LONP2: variants seen among roughly 807,000 people sequenced by gnomAD.
The protein encoded by LONP2 is lon protease homolog 2, peroxisomal.
Under a neutral mutation model 85.6 loss-of-function variants are expected in LONP2, and 60 were observed. The ratio of observed to expected loss-of-function variants is 0.70; its 90% CI spans 0.57 to 0.87. The LOEUF (loss-of-function observed/expected upper bound fraction) is 0.87, where lower values mean the gene tolerates loss of function less well. Among genes scored for constraint, LONP2 ranks in the 40% least tolerant of loss-of-function variants. LONP2 has a pLI of 0.00. For synonymous variants in LONP2, 395 were observed against 389.7 expected (o/e 1.01, Z -0.16); for missense variants, 860 against 1,063.5 (o/e 0.81, Z 2.66).
At chr16:48,259,136 T>C (rs933536633) in intron 4 of LONP2, among the ~76,000 whole-genome samples, 5 of 152,204 alleles carry the variant, frequency 3.3e-5, no homozygotes, top group African/African-American at 7.2e-5. Flanking sequence ...TTTCAACTTA[T>C]AATAAGTTTC....
chr16:48,293,155 A>G (rs1019790895), intron 8 of LONP2, among the ~76,000 whole-genome samples: 1 of 152,200 alleles, frequency 6.6e-6, no homozygotes, highest in Admixed American at 6.5e-5. Flanking sequence ...CCGGCCAGGC[A>G]TGGTGGCTCA....
chr16:48,328,803 C>A (rs1959338697), intron 11 of LONP2, among the ~76,000 whole-genome samples: 1 of 149,704 alleles, frequency 6.7e-6, no homozygotes, highest in Middle Eastern at 3.4e-3. Context: ...TGAGATCACA[C>A]CACTACGCTC....
chr16:48,277,731 T>C (rs979600644), intron 8 of LONP2, among the ~76,000 whole-genome samples: 6 of 152,078 alleles, frequency 3.9e-5, no homozygotes, highest in Admixed American at 3.9e-4. Flanking sequence ...TGCACACTTA[T>C]TATCTAGAGG....
In LONP2 at chr16:48,266,932, AAAAAT is replaced by A. The variant is rs1486255851; in HGVS notation, c.983-3076_983-3072del. ...ACAGGAAGACCCCAACTCTATTTAA[AAAAAT>A]AAAATAATAAATGAAATAAAAATAT... On this transcript the variant is annotated intron_variant, in intron 6 of 14. Transcript: ENST00000285737. Among the ~76,000 whole-genome samples, 8 of 152,178 alleles carry A rather than the reference AAAAAT, an allele frequency of 5.3e-5. No individual in the cohort carries two copies. The East Asian group carries it at 1.5e-3, about 29-fold the overall frequency.
At chr16:48,249,146 G>A (rs1971555484) in intron 1 of LONP2, among the ~76,000 whole-genome samples, 1 of 152,134 alleles carries the variant, frequency 6.6e-6, no homozygotes, top group South Asian at 2.1e-4. Context: ...TTCGAGTTAG[G>A]ATTTGGATTA....
intron 8 of LONP2, among the ~76,000 whole-genome samples, chr16:48,293,899 A>G (rs1450827654): frequency 6.6e-6 from 1 of 152,220 alleles, no homozygotes; most frequent in Non-Finnish European, 1.5e-5. Flanking sequence ...ACTATTTTCC[A>G]TACATAAACA....
At chr16:48,348,018 T>G (rs1449673043) in intron 13 of LONP2, 82 bp from the exon 14 acceptor site, 2 of 1,310,022 alleles carry the variant, frequency 1.5e-6, no homozygotes, top group Non-Finnish European at 2.1e-6. Context: ...AAACATTCAT[T>G]TTTGTTTGTG....
chr16:48,274,986 T>G (rs1972177178), intron 7 of LONP2, among the ~76,000 whole-genome samples: 2 of 152,204 alleles, frequency 1.3e-5, no homozygotes, highest in African/African-American at 4.8e-5. Context: ...TTCTCTCTTG[T>G]CTGCTATAAA....
Position 48,334,371 on chromosome 16 carries a change from TTTTA to T in LONP2, c.1938+17_1938+20del. Reference sequence around the variant, plus strand: ...GTATGAAATGGAGGTGATTCATTCTTTTTATTTCTTTTTGCTCCAGTCAATGAAA... The same window carrying T: ...GTATGAAATGGAGGTGATTCATTCTTTTTCTTTTTGCTCCAGTCAATGAAA... On this transcript the variant is annotated intron_variant, in intron 12 of 14. Transcript: ENST00000285737. 1 of 1,614,158 alleles carries T rather than the reference TTTTA, an allele frequency of 6.2e-7. No individual in the cohort carries two copies. The highest frequency in any genetic ancestry group is 8.5e-7 in the Non-Finnish European group (1 of 1,179,998).
At chr16:48,250,263 A>T (rs1971603259) in intron 1 of LONP2, among the ~76,000 whole-genome samples, 1 of 151,386 alleles carries the variant, frequency 6.6e-6, no homozygotes, top group African/African-American at 2.4e-5. Flanking sequence ...TGGGCGAATC[A>T]TGAGGTCAAG....
chr16:48,263,928 C>T (rs1039748079), intron 6 of LONP2, among the ~76,000 whole-genome samples: 26 of 152,230 alleles, frequency 1.7e-4, no homozygotes, highest in African/African-American at 6.3e-4. Flanking sequence ...GGGGAGACAT[C>T]ACACGTTGGT....
At chr16:48,323,216 G>C (rs1280253858) in intron 11 of LONP2, among the ~76,000 whole-genome samples, 2 of 152,104 alleles carry the variant, frequency 1.3e-5, no homozygotes, top group African/African-American at 2.4e-5. Flanking sequence ...AGATATGGTA[G>C]CTTATAAAAA....
chr16:48,284,306 T>G (rs116033835), intron 8 of LONP2, among the ~76,000 whole-genome samples: 171 of 152,310 alleles, frequency 1.1e-3, no homozygotes, highest in African/African-American at 4.0e-3. Flanking sequence ...AGCAACAGGG[T>G]TTGAAAGGAT....
At chr16:48,306,295 A>T (rs1044772785) in intron 11 of LONP2, among the ~76,000 whole-genome samples, 3 of 152,268 alleles carry the variant, frequency 2.0e-5, no homozygotes, top group African/African-American at 7.2e-5. Flanking sequence ...ATAGTTATAC[A>T]TTGCTTAATG....
intron 8 of LONP2, among the ~76,000 whole-genome samples, chr16:48,291,603 A>G (rs1972558194): frequency 6.6e-6 from 1 of 152,240 alleles, no homozygotes; most frequent in African/African-American, 2.4e-5. Flanking sequence ...GGATTGATAC[A>G]GAAAATCTTT....
At chr16:48,330,066 T>C (rs1203568786) in intron 11 of LONP2, among the ~76,000 whole-genome samples, 1 of 152,284 alleles carries the variant, frequency 6.6e-6, no homozygotes, top group African/African-American at 2.4e-5. Flanking sequence ...CAGTTTATAC[T>C]TCTGTAAGCA....
intron 8 of LONP2, among the ~76,000 whole-genome samples, chr16:48,293,397 T>C (rs1251741848): frequency 2.0e-5 from 3 of 151,844 alleles, no homozygotes; most frequent in Admixed American, 1.3e-4. Context: ...CACTGCACTC[T>C]AGCCTGGGCG....
Position 48,256,752 on chromosome 16 carries a change from C to G in LONP2, c.600+11C>G. On this transcript the variant is annotated intron_variant, in intron 3 of 14. Transcript: ENST00000285737. ...AAAGAGAAACTCCAGGTACAGTGTT[C>G]CCTTTTGAACGCCAGGTTGCTTTGT... The G allele has an allele frequency of 1.2e-6, 2 of 1,610,200 alleles. No homozygotes were observed. Among genetic ancestry groups the G allele is most frequent in the South Asian group, 1.1e-5 (1 of 90,524 alleles).
Position 48,316,933 on chromosome 16 carries a change from T to A in LONP2, c.1795+13628T>A, listed in dbSNP as rs899732968. Among the ~76,000 whole-genome samples the A allele has an allele frequency of 4.6e-5, 7 of 152,316 alleles. No homozygotes were observed. The South Asian group carries it at 1.5e-3, about 32-fold the overall frequency. ...GTAACTATTATCCTCTGAAAAGTGT[T>A]ACATTTTCTTCTGATTGGTAACTAC... On this transcript the variant is annotated intron_variant, in intron 11 of 14. Coordinates refer to ENST00000285737, the MANE Select transcript of LONP2 (RefSeq NM_031490.5).
Sources: allele counts gnomAD v4.1 joint callset (sites outside exome capture counted in the v4.1 genomes callset), GRCh38; gene constraint gnomAD v4.1.1; transcripts MANE v1.5; gene names NCBI Gene and HGNC (gene_info 2026-07-23, HGNC 2026-07-21).